PRIM2: variants seen among roughly 807,000 people sequenced by gnomAD.
PRIM2 encodes the protein DNA primase large subunit.
A neutral mutation model predicts 67.3 loss-of-function variants in PRIM2; 39 were observed. The observed-to-expected ratio is 0.58, with a 90% CI of 0.45 to 0.76. The LOEUF is 0.76. PRIM2 is among the 30% of genes least tolerant of loss of function. The pLI, the probability that PRIM2 is intolerant of heterozygous loss-of-function variation, is 0.00. For synonymous variants in PRIM2, 143 were observed against 198.7 expected, an observed-to-expected ratio of 0.72 and a Z score of 2.36; for missense variants, 398 against 598.7, an observed-to-expected ratio of 0.66 and a Z score of 3.50.
At chr6:57,464,640 T>C (rs1773126245) in intron 7 of PRIM2, among the ~76,000 whole-genome samples, 1 of 151,190 alleles carries the variant, frequency 6.6e-6, no homozygotes, top group African/African-American at 2.4e-5. Context: ...TGTAGATGGG[T>C]TGAATGAATA....
chr6:57,473,896 G>GTT (rs1217792238), intron 7 of PRIM2, among the ~76,000 whole-genome samples: 1 of 150,386 alleles, frequency 6.6e-6, no homozygotes, highest in African/African-American at 2.4e-5. Context: ...CTGTTTGTTT[G>GTT]TTTTTTTTTC....
intron 7 of PRIM2, among the ~76,000 whole-genome samples, chr6:57,466,168 T>C (rs1330174200): frequency 6.6e-6 from 1 of 152,252 alleles, no homozygotes; most frequent in African/African-American, 2.4e-5. Context: ...TTTCTATGGC[T>C]GCATACTATT....
At chr6:57,334,523 G>A (rs1445211227) in intron 5 of PRIM2, among the ~76,000 whole-genome samples, 2 of 152,072 alleles carry the variant, frequency 1.3e-5, no homozygotes, top group African/African-American at 4.8e-5. Flanking sequence ...AAAATAGCTG[G>A]GTGTAGTGGT....
At chr6:57,347,271 G>A (rs540785385) in intron 5 of PRIM2, among the ~76,000 whole-genome samples, 1 of 152,174 alleles carries the variant, frequency 6.6e-6, no homozygotes, top group African/African-American at 2.4e-5. Flanking sequence ...TGGGGTCCTT[G>A]TTTTCTAAAG....
chr6:57,547,453 T>C (rs1775311650), intron 10 of PRIM2, among the ~76,000 whole-genome samples: 1 of 152,190 alleles, frequency 6.6e-6, no homozygotes, highest in Non-Finnish European at 1.5e-5. Context: ...GCTCGATGTT[T>C]AGCTCCCACT....
chr6:57,263,184 G>A, the PRIM2 span, among the ~76,000 whole-genome samples: 1 of 152,270 alleles, frequency 6.6e-6, no homozygotes, highest in South Asian at 2.1e-4. Context: ...TTTCTTACCA[G>A]AAACCTGGCC....
At chr6:57,325,565 A>G (rs570605169) in intron 4 of PRIM2, among the ~76,000 whole-genome samples, 1 of 152,310 alleles carries the variant, frequency 6.6e-6, no homozygotes, top group African/African-American at 2.4e-5. Context: ...AGGTGCTGGG[A>G]TTACGGGCAT....
At chr6:57,255,412 G>A in the PRIM2 span, among the ~76,000 whole-genome samples, 1 of 151,676 alleles carries the variant, frequency 6.6e-6, no homozygotes. Flanking sequence ...GCAGGAGAAT[G>A]GCGTGAACCC....
At chr6:57,222,767 C>A in the PRIM2 span, among the ~76,000 whole-genome samples, 28 of 152,104 alleles carry the variant, frequency 1.8e-4, 1 homozygote, top group South Asian at 5.6e-3. Context: ...TTTTATATTT[C>A]AAAATAAAAT....
chr6:57,340,719 G>A (rs533406427), intron 5 of PRIM2, among the ~76,000 whole-genome samples: 3 of 152,242 alleles, frequency 2.0e-5, no homozygotes, highest in Non-Finnish European at 4.4e-5. Context: ...GGTGGGGGTA[G>A]GGGTGAGGGA....
rs1316121231 is a variant in PRIM2, at chr6:57,542,566, A to G, written c.1020+4941A>G. On this transcript the variant is annotated intron_variant, in intron 10 of 13. Transcript: ENST00000615550. ...TTTATTATGGAATTTTTATTTTGCA[A>G]TGCAAACTTTTTTTCAAAAATTCTT... is the stretch of plus-strand genomic sequence containing the variant. Among the ~76,000 whole-genome samples, 970 of 152,172 alleles carry G rather than the reference A, an allele frequency of 6.4e-3. 11 individuals are homozygous for G. Among genetic ancestry groups the G allele is most frequent in the African/African-American group, 0.022 (932 of 41,526 alleles).
intron 10 of PRIM2, among the ~76,000 whole-genome samples, chr6:57,577,940 G>A (rs1309027221): frequency 6.6e-6 from 1 of 152,110 alleles, no homozygotes; most frequent in Non-Finnish European, 1.5e-5. Context: ...ATGTCCTTCT[G>A]CTGTTCCAAG....
chr6:57,238,763 A>G, the PRIM2 span, among the ~76,000 whole-genome samples: 2 of 152,328 alleles, frequency 1.3e-5, no homozygotes, highest in South Asian at 2.1e-4. Flanking sequence ...CAAAAAATCA[A>G]TGAATCCAGG....
chr6:57,384,857 A>G (rs1013736635), intron 7 of PRIM2, among the ~76,000 whole-genome samples: 3 of 152,214 alleles, frequency 2.0e-5, no homozygotes, highest in African/African-American at 7.2e-5. Flanking sequence ...AAACCTAACT[A>G]TGAAAATGCA....
chr6:57,550,208 T>G (rs1199898748), intron 10 of PRIM2, among the ~76,000 whole-genome samples: 1 of 152,228 alleles, frequency 6.6e-6, no homozygotes, highest in African/African-American at 2.4e-5. Flanking sequence ...AAACATATTT[T>G]TGAAGCTTTA....
At chr6:57,335,784 C>T (rs1275936737) in intron 5 of PRIM2, among the ~76,000 whole-genome samples, 5 of 152,164 alleles carry the variant, frequency 3.3e-5, no homozygotes, top group Non-Finnish European at 7.4e-5. Context: ...AAACTGGAAA[C>T]TCTGAAAAGC....
chr6:57,642,435 CTTTTTTTTTTTT>C (rs1156576933), intron 13 of PRIM2, among the ~76,000 whole-genome samples: 4 of 83,184 alleles, frequency 4.8e-5, no homozygotes, highest in African/African-American at 5.3e-5. Flanking sequence ...AATATTATAT[CTTTTTTTTTTTT>C]TTTTTTTTTT....
intron 10 of PRIM2, among the ~76,000 whole-genome samples, chr6:57,594,985 T>A (rs1276969792): frequency 6.6e-6 from 1 of 152,136 alleles, no homozygotes; most frequent in Non-Finnish European, 1.5e-5. Context: ...TTTCATAAAA[T>A]AAGGAATATC....
At chr6:57,565,794 C>A (rs1452680305) in intron 10 of PRIM2, among the ~76,000 whole-genome samples, 4 of 152,018 alleles carry the variant, frequency 2.6e-5, no homozygotes. Flanking sequence ...GCAGTATGCA[C>A]CTCTTAAAAA....
Sources: gnomAD v4.1 joint callset for allele counts (sites outside exome capture counted in the v4.1 genomes callset) on GRCh38, gnomAD v4.1.1 for gene constraint, MANE v1.5 for transcripts, NCBI Gene and HGNC (gene_info 2026-07-23, HGNC 2026-07-21) for gene names.